Variants in PTPRT observed in about 807,000 individuals in gnomAD.
The protein encoded by PTPRT is receptor-type tyrosine-protein phosphatase T.
In PTPRT, 56 loss-of-function variants were observed where a neutral mutation model predicts 176.8. The observed-to-expected ratio is 0.32, with a 90% CI of 0.26 to 0.40. The LOEUF is 0.40. PTPRT is among the 10% of genes least tolerant of loss of function. PTPRT has a pLI of 1.00. For missense variants in PTPRT, 1,540 were observed against 1,908.2 expected, an observed-to-expected ratio of 0.81 and a Z score of 3.60; for synonymous variants, 783 against 739.0, an observed-to-expected ratio of 1.06 and a Z score of -0.96.
chr20:42,371,012 AT>A (rs1335562345), intron 9 of PTPRT, among the ~76,000 whole-genome samples: 5 of 152,112 alleles, frequency 3.3e-5, no homozygotes, highest in African/African-American at 1.2e-4. Context: ...TCTGAGCTCT[AT>A]TGTTATTTAC....
intron 1 of PTPRT, among the ~76,000 whole-genome samples, chr20:43,085,729 C>T (rs1046872863): frequency 1.3e-5 from 2 of 152,170 alleles, no homozygotes; most frequent in Non-Finnish European, 2.9e-5. Flanking sequence ...CCCCATGATT[C>T]AATTACCTTC....
At chr20:42,714,514 T>C (rs924992171) in intron 6 of PTPRT, among the ~76,000 whole-genome samples, 3 of 152,132 alleles carry the variant, frequency 2.0e-5, no homozygotes, top group African/African-American at 7.2e-5. Flanking sequence ...GACAAAAAGG[T>C]GATTTCAGTC....
intron 7 of PTPRT, among the ~76,000 whole-genome samples, chr20:42,638,533 G>A (rs2074661822): frequency 2.0e-5 from 3 of 151,996 alleles, no homozygotes; most frequent in African/African-American, 7.2e-5. Context: ...AGTTACACAA[G>A]TCCATAAAAT....
intron 6 of PTPRT, among the ~76,000 whole-genome samples, chr20:42,736,221 T>G (rs1323180229): frequency 6.6e-6 from 1 of 152,100 alleles, no homozygotes. Context: ...GGAAAATACA[T>G]GGGCTGAATT....
At chr20:42,049,288 G>T in the PTPRT span, among the ~76,000 whole-genome samples, 3 of 152,230 alleles carry the variant, frequency 2.0e-5, no homozygotes, top group African/African-American at 7.2e-5. Context: ...TAGGTGCTCA[G>T]CAAATCATGG....
intron 7 of PTPRT, among the ~76,000 whole-genome samples, chr20:42,639,321 A>G (rs1037205692): frequency 1.7e-4 from 26 of 152,058 alleles, no homozygotes; most frequent in Admixed American, 1.3e-4. Context: ...CTTATCACCC[A>G]TTTTAGCTGA....
chr20:43,117,199 A>T (rs1457131603), intron 1 of PTPRT, among the ~76,000 whole-genome samples: 1 of 152,104 alleles, frequency 6.6e-6, no homozygotes, highest in Non-Finnish European at 1.5e-5. Flanking sequence ...ACAGCAACTC[A>T]ATGGGTGGTA....
intron 1 of PTPRT, among the ~76,000 whole-genome samples, chr20:43,084,058 G>A (rs1301504932): frequency 1.3e-5 from 2 of 152,202 alleles, no homozygotes; most frequent in Non-Finnish European, 1.5e-5. Context: ...TATTTGGACT[G>A]TTTCCACTGT....
chr20:42,382,891 C>T (rs1269667299), intron 9 of PTPRT, among the ~76,000 whole-genome samples: 1 of 152,146 alleles, frequency 6.6e-6, no homozygotes. Flanking sequence ...CTGATAGGAT[C>T]TCCAACTATC....
intron 18 of PTPRT, among the ~76,000 whole-genome samples, chr20:42,133,113 A>C (rs553048294): frequency 6.6e-6 from 1 of 152,338 alleles, no homozygotes; most frequent in Non-Finnish European, 1.5e-5. Flanking sequence ...ATTCCCTGAC[A>C]TATTCTACAC....
intron 1 of PTPRT, among the ~76,000 whole-genome samples, chr20:42,934,759 G>A (rs1261033416): frequency 1.3e-5 from 2 of 152,104 alleles, no homozygotes; most frequent in Admixed American, 1.3e-4. Flanking sequence ...CACCAGCAAA[G>A]AGAGAATGCT....
At chr20:43,027,776 A>C (rs1399073721) in intron 1 of PTPRT, among the ~76,000 whole-genome samples, 1 of 152,206 alleles carries the variant, frequency 6.6e-6, no homozygotes, top group Admixed American at 6.5e-5. Context: ...AAATGAATAC[A>C]CTACCTACAT....
rs113698574 is a variant in PTPRT at position 42,795,528 on chromosome 20, G to C, written c.215-4062C>G. Among the ~76,000 whole-genome samples, 422 of 152,326 alleles carry C rather than the reference G, an allele frequency of 2.8e-3. 3 individuals carry two copies. The highest frequency in any genetic ancestry group is 9.9e-3 in the African/African-American group (411 of 41,574). On this transcript the variant is annotated intron_variant, in intron 2 of 30. Transcript: ENST00000373187. Reference sequence around the variant, plus strand: ...AATGGCTTTGCACATTGTTCATTAAGATTACATGAGTGTGCTCGGGCGACT... The same window carrying C: ...AATGGCTTTGCACATTGTTCATTAACATTACATGAGTGTGCTCGGGCGACT...
intron 1 of PTPRT, among the ~76,000 whole-genome samples, chr20:43,037,843 C>A (rs1258208494): frequency 6.6e-6 from 1 of 152,168 alleles, no homozygotes; most frequent in African/African-American, 2.4e-5. Flanking sequence ...CTCCCTTGTG[C>A]AACTGAGCTA....
At position 42,442,521 on chromosome 20, in the gene PTPRT, C is replaced by T. The variant is rs537332535; in HGVS notation, c.1560+5699G>A. Among the ~76,000 whole-genome samples, 13 of 152,298 alleles carry T rather than the reference C, an allele frequency of 8.5e-5. No homozygotes were observed. The South Asian group carries it at 2.7e-3, about 32-fold the overall frequency. ...GCATAATCAAGACACCCATTCCTGCCTCATTAGGGTCTTCTCATTCCCTTT... is the reference window on the plus strand; with the variant it reads ...GCATAATCAAGACACCCATTCCTGCTTCATTAGGGTCTTCTCATTCCCTTT... On this transcript the variant is annotated intron_variant, in intron 9 of 30. Coordinates refer to ENST00000373187, the MANE Select transcript of PTPRT (RefSeq NM_007050.6).
intron 6 of PTPRT, among the ~76,000 whole-genome samples, chr20:42,695,569 A>G (rs971785992): frequency 1.3e-5 from 2 of 152,222 alleles, no homozygotes; most frequent in Non-Finnish European, 2.9e-5. Flanking sequence ...AAATTAAAGA[A>G]TATACTCAAA....
At chr20:42,322,165 G>A (rs6093620) in intron 11 of PTPRT, among the ~76,000 whole-genome samples, 36,142 of 151,492 alleles carry the variant, frequency 0.24, 4,638 homozygotes, top group African/African-American at 0.32. Context: ...AATCAATATC[G>A]TGAAAATGGC....
chr20:42,080,801 C>G lies in PTPRT; in HGVS notation c.*78G>C. 7.0e-7 allele frequency: 1 copy of G among 1,432,206 alleles called. No homozygotes were observed. The highest frequency in any genetic ancestry group is 2.3e-5 in the East Asian group (1 of 43,676). 88.7% of individuals were successfully genotyped at this position (1,432,206 alleles called of 1,614,324 possible). On this transcript the variant is annotated 3_prime_UTR_variant, in exon 31 of 31. Coordinates refer to ENST00000373187, the MANE Select transcript of PTPRT (RefSeq NM_007050.6). ...GGGTGCCACCTCAGAGCTCCTGAGCCCAGTTACTGCCATTCACACAAAAGG... is the reference window on the plus strand; with the variant it reads ...GGGTGCCACCTCAGAGCTCCTGAGCGCAGTTACTGCCATTCACACAAAAGG...
chr20:42,048,551 A>G, the PTPRT span, among the ~76,000 whole-genome samples: 1 of 152,138 alleles, frequency 6.6e-6, no homozygotes, highest in Non-Finnish European at 1.5e-5. Context: ...CTCAGGACAC[A>G]TGGAGAGTCT....
Sources: allele counts gnomAD v4.1 joint callset (sites outside exome capture counted in the v4.1 genomes callset), GRCh38; gene constraint gnomAD v4.1.1; transcripts MANE v1.5; gene names NCBI Gene and HGNC (gene_info 2026-07-23, HGNC 2026-07-21).